CSMD1: variants seen among roughly 807,000 people sequenced by gnomAD.
The protein encoded by CSMD1 is CUB and Sushi multiple domains 1, also known as CUB and sushi domain-containing protein 1.
CSMD1 carries 213 observed loss-of-function variants against 417.5 expected under a neutral mutation model. The ratio of observed to expected loss-of-function variants is 0.51; its 90% CI spans 0.46 to 0.57. The LOEUF (loss-of-function observed/expected upper bound fraction) is 0.57, where lower values mean the gene tolerates loss of function less well. Among genes scored for constraint, CSMD1 ranks in the 20% least tolerant of loss-of-function variants. CSMD1 has a pLI of 0.00. For missense variants in CSMD1, 6,923 were observed against 4,529.7 expected (o/e 1.53, Z -15.17); for synonymous variants, 2,862 against 1,736.8 (o/e 1.65, Z -16.11).
intron 10 of CSMD1, among the ~76,000 whole-genome samples, chr8:3,536,043 C>T (rs1348070268): frequency 1.3e-5 from 2 of 152,174 alleles, no homozygotes; most frequent in Non-Finnish European, 2.9e-5. Flanking sequence ...ACCACGCTGT[C>T]ATAGTCACAG....
At chr8:3,503,845 C>A (rs1451096834) in intron 10 of CSMD1, among the ~76,000 whole-genome samples, 1 of 133,252 alleles carries the variant, frequency 7.5e-6, no homozygotes, top group Non-Finnish European at 1.6e-5. Flanking sequence ...CCCCCCCCAA[C>A]CCCCACACTC....
intron 11 of CSMD1, among the ~76,000 whole-genome samples, chr8:3,483,970 T>C (rs544825118): frequency 1.4e-4 from 21 of 152,358 alleles, no homozygotes; most frequent in Non-Finnish European, 2.9e-4. Flanking sequence ...AGATTTAACA[T>C]AGTAAATATG....
intron 22 of CSMD1, among the ~76,000 whole-genome samples, chr8:3,345,739 G>T (rs1807945943): frequency 6.6e-6 from 1 of 152,148 alleles, no homozygotes; most frequent in African/African-American, 2.4e-5. Flanking sequence ...TATACTCAAG[G>T]GATGTTGCTG....
intron 3 of CSMD1, among the ~76,000 whole-genome samples, chr8:4,227,593 C>A (rs1801436612): frequency 1.3e-5 from 2 of 152,048 alleles, no homozygotes; most frequent in African/African-American, 4.8e-5. Context: ...CAGCCCCCGA[C>A]CTCAGGATTC....
chr8:4,190,954 G>A (rs780227382), intron 3 of CSMD1, among the ~76,000 whole-genome samples: 9 of 147,548 alleles, frequency 6.1e-5, no homozygotes, highest in Non-Finnish European at 1.0e-4. Flanking sequence ...AGTGGAGAGT[G>A]GGGGGGGCGG....
intron 2 of CSMD1, among the ~76,000 whole-genome samples, chr8:4,522,033 T>C (rs1318376043): frequency 1.3e-5 from 2 of 152,204 alleles, no homozygotes; most frequent in African/African-American, 4.8e-5. Flanking sequence ...TCTGGAGTCA[T>C]TGATACGGTT....
intron 7 of CSMD1, among the ~76,000 whole-genome samples, chr8:3,665,648 A>G (rs1798650471): frequency 6.6e-6 from 1 of 152,206 alleles, no homozygotes. Context: ...AAATATTGAA[A>G]AATTCCACTT....
At chr8:3,869,460 A>C (rs971010985) in intron 5 of CSMD1, among the ~76,000 whole-genome samples, 15 of 152,146 alleles carry the variant, frequency 9.9e-5, no homozygotes, top group African/African-American at 3.1e-4. Flanking sequence ...GTCTCACCTT[A>C]GTTTTAACTT....
At chr8:3,077,754 C>T (rs1263198359) in intron 49 of CSMD1, among the ~76,000 whole-genome samples, 3 of 152,224 alleles carry the variant, frequency 2.0e-5, no homozygotes, top group South Asian at 2.1e-4. Flanking sequence ...CAGGGACTGA[C>T]ATTTTCAAAC....
At chr8:3,680,892 A>G (rs935502104) in intron 7 of CSMD1, among the ~76,000 whole-genome samples, 4 of 152,344 alleles carry the variant, frequency 2.6e-5, no homozygotes, top group Non-Finnish European at 4.4e-5. Flanking sequence ...ATATACGCAA[A>G]TCAGTAAACG....
intron 7 of CSMD1, among the ~76,000 whole-genome samples, chr8:3,617,818 C>A (rs73491490): frequency 1.3e-5 from 2 of 151,934 alleles, no homozygotes; most frequent in Non-Finnish European, 2.9e-5. Flanking sequence ...TTTACTATAG[C>A]GTAAATCCAA....
rs141466569 is a variant in CSMD1, at chr8:4,055,121, G to C, written c.416-23022C>G. Among the ~76,000 whole-genome samples the C allele has an allele frequency of 5.4e-4, 82 of 152,276 alleles. No individual in the cohort carries two copies. In the East Asian group the frequency reaches 7.5e-3, roughly 14 times the overall value. ...CATTTTCTTTGAGCTTTGTGTAGTA[G>C]ATGATAGAAATATGGCCTACTTCAG... On this transcript the variant is annotated intron_variant, in intron 3 of 69. Coordinates refer to ENST00000635120, the MANE Select transcript of CSMD1 (RefSeq NM_033225.6).
intron 1 of CSMD1, among the ~76,000 whole-genome samples, chr8:4,907,630 G>A (rs1226457094): frequency 6.6e-6 from 1 of 151,996 alleles, no homozygotes; most frequent in African/African-American, 2.4e-5. Context: ...CAAAAACATG[G>A]CTCACTGCAG....
chr8:4,331,533 G>C (rs1366561010), intron 3 of CSMD1, among the ~76,000 whole-genome samples: 1 of 152,104 alleles, frequency 6.6e-6, no homozygotes, highest in Non-Finnish European at 1.5e-5. Flanking sequence ...ATTCTCATTT[G>C]TGTAAGCCTG....
intron 3 of CSMD1, among the ~76,000 whole-genome samples, chr8:4,176,465 T>A (rs574086749): frequency 6.6e-6 from 1 of 152,124 alleles, no homozygotes; most frequent in Non-Finnish European, 1.5e-5. Context: ...TATTTTCTCA[T>A]CCTGGCACCT....
At chr8:3,297,071 T>C (rs1287984975) in intron 25 of CSMD1, among the ~76,000 whole-genome samples, 2 of 152,200 alleles carry the variant, frequency 1.3e-5, no homozygotes, top group Non-Finnish European at 2.9e-5. Context: ...TCACATATGT[T>C]TGCCATTAAG....
chr8:4,004,916 T>C (rs568931095), intron 4 of CSMD1, among the ~76,000 whole-genome samples: 79 of 152,160 alleles, frequency 5.2e-4, no homozygotes, highest in South Asian at 1.7e-3. Flanking sequence ...AGCTAATTTT[T>C]TGTATTTTTA....
chr8:4,146,509 G>A (rs1047426114), intron 3 of CSMD1, among the ~76,000 whole-genome samples: 6 of 147,534 alleles, frequency 4.1e-5, no homozygotes, highest in Admixed American at 2.0e-4. Context: ...GTTGTGATGT[G>A]CACAGTGTGT....
intron 40 of CSMD1, chr8:3,151,172 G>A (rs1380769): frequency 0.012 from 5,304 of 443,106 alleles, 63 homozygotes; most frequent in Middle Eastern, 0.039. Context: ...ATCATCATTC[G>A]GCCAATTTAA....
Sources: allele counts gnomAD v4.1 joint callset (sites outside exome capture counted in the v4.1 genomes callset), GRCh38; gene constraint gnomAD v4.1.1; transcripts MANE v1.5; gene names NCBI Gene and HGNC (gene_info 2026-07-23, HGNC 2026-07-21).